LRRC75A: variants seen among roughly 807,000 people sequenced by gnomAD.
The protein encoded by LRRC75A is leucine-rich repeat-containing protein 75A.
LRRC75A carries 12 observed loss-of-function variants against 26.0 expected under a neutral mutation model. The ratio of observed to expected loss-of-function variants is 0.46; its 90% CI spans 0.30 to 0.75. LRRC75A has a LOEUF of 0.75. LRRC75A is among the 30% of genes least tolerant of loss of function. The pLI is 0.08. For missense variants in LRRC75A, 410 were observed against 486.6 expected (o/e 0.84, Z 1.48); for synonymous variants, 223 against 219.3 (o/e 1.02, Z -0.15).
At chr17:16,444,171 G>A (rs759864654) in intron 3 of LRRC75A, 40 bp from the exon 4 acceptor site, 1 of 1,494,840 alleles carries the variant, frequency 6.7e-7, no homozygotes, top group South Asian at 1.3e-5. Flanking sequence ...GGCACATAGG[G>A]CAGGCCTTTC....
chr17:16,481,697 T>A (rs1234372020), intron 1 of LRRC75A, among the ~76,000 whole-genome samples: 1 of 151,988 alleles, frequency 6.6e-6, no homozygotes, highest in Non-Finnish European at 1.5e-5. Context: ...AGGGGAGACA[T>A]GTCTCCTCCC....
intron 1 of LRRC75A, among the ~76,000 whole-genome samples, chr17:16,484,998 G>C (rs2143434642): frequency 6.6e-6 from 1 of 151,804 alleles, no homozygotes; most frequent in East Asian, 1.9e-4. Flanking sequence ...AATGCTCCTG[G>C]AGAGCCACGT....
chr17:16,456,797 C>T (rs1312497247), intron 2 of LRRC75A, among the ~76,000 whole-genome samples: 1 of 152,240 alleles, frequency 6.6e-6, no homozygotes, highest in Non-Finnish European at 1.5e-5. Flanking sequence ...CTGGAGCCAG[C>T]CCGCCTGGGC....
Position 16,491,942 on chromosome 17 carries a change from C to G in LRRC75A, c.49G>C (p.Gly17Arg), listed in dbSNP as rs925083453. 3.2e-6 allele frequency: 4 copies of G among 1,240,650 alleles called. No homozygotes were observed. The South Asian group carries it at 1.1e-4, about 34-fold the overall frequency. The allele number at this position is 1,240,650 out of a possible 1,614,324, so 76.9% of individuals were successfully genotyped here. ...TCGCGTCGGGGGCCCGGCGCGGCGC[C>G]GGGGCTGGCTCTCTCCGCCAGGCTG... ...KGSLAERASPGAAPGPRRERP... is the reference protein window; with the variant it reads ...KGSLAERASPRAAPGPRRERP... The change falls in exon 1 of 4, where the codon GGC (glycine) becomes CGC (arginine). Residue 17 changes from glycine (G) to arginine (R), a missense_variant. By Grantham distance (125) the Gly-to-Arg change is moderately radical. Coordinates refer to ENST00000470794, the MANE Select transcript of LRRC75A (RefSeq NM_001113567.3). The surrounding 1 kb of genome is among the most constrained non-coding windows in gnomAD (Gnocchi z 5.9).
intron 1 of LRRC75A, among the ~76,000 whole-genome samples, chr17:16,465,688 C>T (rs542198260): frequency 4.6e-5 from 7 of 152,278 alleles, no homozygotes; most frequent in African/African-American, 1.4e-4. Context: ...AGTTGCCAAC[C>T]CAGGAGGTTG....
chr17:16,456,646 G>A (rs2093687897), intron 2 of LRRC75A, among the ~76,000 whole-genome samples: 1 of 152,158 alleles, frequency 6.6e-6, no homozygotes, highest in South Asian at 2.1e-4. Flanking sequence ...GGAACACAGA[G>A]GGAGGCAGGG....
At chr17:16,453,376 C>T (rs1040377764) in intron 2 of LRRC75A, among the ~76,000 whole-genome samples, 2 of 151,946 alleles carry the variant, frequency 1.3e-5, no homozygotes, top group Non-Finnish European at 2.9e-5. Context: ...GAACAGAGGA[C>T]AAGGGGGCAT....
chr17:16,455,791 T>A (rs1415887000), intron 2 of LRRC75A, among the ~76,000 whole-genome samples: 1 of 152,192 alleles, frequency 6.6e-6, no homozygotes, highest in Non-Finnish European at 1.5e-5. Flanking sequence ...GGAGTCAGGA[T>A]CTAAAGTCAG....
chr17:16,454,932 CTT>C (rs775819720), intron 2 of LRRC75A, among the ~76,000 whole-genome samples: 7 of 107,912 alleles, frequency 6.5e-5, no homozygotes, highest in Admixed American at 8.7e-5. Flanking sequence ...CTTTTCTTTT[CTT>C]TTTTTTTTTT....
At chr17:16,477,281 T>C (rs1177859216) in intron 1 of LRRC75A, among the ~76,000 whole-genome samples, 3 of 152,214 alleles carry the variant, frequency 2.0e-5, no homozygotes, top group Admixed American at 6.5e-5. Context: ...GGCTGACACA[T>C]AAAATTAACC....
intron 1 of LRRC75A, among the ~76,000 whole-genome samples, chr17:16,484,075 C>T (rs923270158): frequency 2.0e-5 from 3 of 152,118 alleles, no homozygotes; most frequent in Non-Finnish European, 2.9e-5. Flanking sequence ...CAGTGGCTCA[C>T]GCTTGTAATC....
rs532759511 is a variant in LRRC75A at position 16,491,116 on chromosome 17, A to T, written c.246+629T>A. The stretch of plus-strand genomic sequence containing the variant: ...AAGTTGCTGCTGGCCAGGTGGTCAC[A>T]CAGGGCACCAAATCCAGCTCCCCTG... On this transcript the variant is annotated intron_variant, in intron 1 of 3. Transcript: ENST00000470794. The surrounding 1 kb of genome is among the most constrained non-coding windows in gnomAD (Gnocchi z 5.9). Among the ~76,000 whole-genome samples, 1 of 152,258 alleles carries T rather than the reference A, an allele frequency of 6.6e-6. No individual in the cohort carries two copies. The highest frequency in any genetic ancestry group is 2.4e-5 in the African/African-American group (1 of 41,478).
intron 2 of LRRC75A, chr17:16,448,410 T>C (rs1177837875): frequency 5.4e-6 from 1 of 185,394 alleles, no homozygotes; most frequent in Non-Finnish European, 1.1e-5. Flanking sequence ...TGTCCTTGTA[T>C]TTCACATAGT....
chr17:16,452,002 C>T (rs941632342), intron 2 of LRRC75A, among the ~76,000 whole-genome samples: 10 of 150,714 alleles, frequency 6.6e-5, no homozygotes, highest in African/African-American at 2.4e-4. Flanking sequence ...CCGCCTCGGC[C>T]TCCCATTACA....
rs183800107 is a variant in LRRC75A, at chr17:16,457,365, G to C, written c.375+4893C>G. Among the ~76,000 whole-genome samples the C allele has an allele frequency of 2.6e-3, 403 of 152,298 alleles. 1 individual carries two copies. Among genetic ancestry groups the C allele is most frequent in the African/African-American group, 9.2e-3 (384 of 41,556 alleles). Reference sequence around the variant, plus strand: ...CACTCTGCCCTTCTCTGCTCAGAAGGCTGGGCTCTAGAGACTGCATCACTG... The same window carrying C: ...CACTCTGCCCTTCTCTGCTCAGAAGCCTGGGCTCTAGAGACTGCATCACTG... On this transcript the variant is annotated intron_variant, in intron 2 of 3. Transcript: ENST00000470794.
intron 3 of LRRC75A, among the ~76,000 whole-genome samples, chr17:16,447,256 G>C (rs1450021820): frequency 6.6e-6 from 1 of 152,050 alleles, no homozygotes; most frequent in African/African-American, 2.4e-5. Flanking sequence ...GAACCCCCTT[G>C]TTGCTGTATG....
chr17:16,486,553 T>C (rs1013625850), intron 1 of LRRC75A, among the ~76,000 whole-genome samples: 2 of 152,106 alleles, frequency 1.3e-5, no homozygotes, highest in Non-Finnish European at 2.9e-5. Context: ...TTTCTCTTTG[T>C]GAAGGAAATG....
intron 1 of LRRC75A, among the ~76,000 whole-genome samples, chr17:16,481,824 T>C (rs1332573385): frequency 6.6e-6 from 1 of 152,010 alleles, no homozygotes; most frequent in Admixed American, 6.5e-5. Flanking sequence ...AGAGGTTTTG[T>C]TTCCAGCTGC....
chr17:16,483,972 T>C (rs2093840447), intron 1 of LRRC75A, among the ~76,000 whole-genome samples: 1 of 152,232 alleles, frequency 6.6e-6, no homozygotes, highest in Admixed American at 6.5e-5. Context: ...TTTTCTATAA[T>C]TGTATATTGC....
Sources: allele counts gnomAD v4.1 joint callset (sites outside exome capture counted in the v4.1 genomes callset), GRCh38; gene constraint gnomAD v4.1.1; non-coding constraint Gnocchi (gnomAD v3.1); transcripts MANE v1.5; gene names NCBI Gene and HGNC (gene_info 2026-07-23, HGNC 2026-07-21).